The following KCNH1 variants were observed in gnomAD, a reference collection of about 807,000 sequenced individuals.
KCNH1 encodes voltage-gated delayed rectifier potassium channel KCNH1.
In KCNH1, 27 loss-of-function variants were observed where a neutral mutation model predicts 69.2. The observed-to-expected ratio is 0.39, with a 90% CI of 0.29 to 0.54. The LOEUF is 0.54. Ranked by LOEUF, KCNH1 falls within the 20% of genes least tolerant of loss-of-function variation. KCNH1 has a pLI of 0.68. For synonymous variants in KCNH1, 456 were observed against 487.7 expected (o/e 0.93, Z 0.86); for missense variants, 798 against 1,261.6 (o/e 0.63, Z 5.57).
chr1:211,117,447 T>C (rs1220274200), intron 1 of KCNH1, among the ~76,000 whole-genome samples: 1 of 152,112 alleles, frequency 6.6e-6, no homozygotes, highest in African/African-American at 2.4e-5. Context: ...GCTCCTGTGT[T>C]CTTGGGAGCC....
chr1:210,811,664 C>T (rs1239130004), intron 7 of KCNH1, among the ~76,000 whole-genome samples: 1 of 152,056 alleles, frequency 6.6e-6, no homozygotes, highest in East Asian at 1.9e-4. Context: ...GCAAAGGCTT[C>T]AGGAATTACT....
intron 6 of KCNH1, among the ~76,000 whole-genome samples, chr1:210,968,266 A>G (rs9662807): frequency 4.9e-5 from 6 of 123,702 alleles, no homozygotes; most frequent in Admixed American, 8.6e-5. Context: ...CCAGTCTATC[A>G]TTGTTGGACA....
chr1:210,910,647 A>T (rs1009360014), intron 7 of KCNH1, among the ~76,000 whole-genome samples: 3 of 152,202 alleles, frequency 2.0e-5, no homozygotes, highest in African/African-American at 7.2e-5. Context: ...TTCACCATTC[A>T]CAAGAAGGTT....
chr1:210,811,475 G>T (rs1283787824), intron 7 of KCNH1, among the ~76,000 whole-genome samples: 1 of 152,108 alleles, frequency 6.6e-6, no homozygotes, highest in African/African-American at 2.4e-5. Context: ...GTCATTCATT[G>T]CTTTCCAGCT....
chr1:210,838,780 G>A (rs1685341454), intron 7 of KCNH1, among the ~76,000 whole-genome samples: 1 of 152,170 alleles, frequency 6.6e-6, no homozygotes, highest in African/African-American at 2.4e-5. Context: ...CTCAAAAGAA[G>A]ACATTCATGT....
chr1:211,075,672 A>C (rs1690719272), intron 5 of KCNH1, among the ~76,000 whole-genome samples: 1 of 152,238 alleles, frequency 6.6e-6, no homozygotes, highest in Non-Finnish European at 1.5e-5. Flanking sequence ...TCAATGCAGA[A>C]GATGGGTGAT....
At chr1:211,014,642 CAT>C (rs1486509923) in intron 6 of KCNH1, among the ~76,000 whole-genome samples, 1 of 152,160 alleles carries the variant, frequency 6.6e-6, no homozygotes, top group Admixed American at 6.5e-5. Flanking sequence ...CCACTGCACA[CAT>C]ACACACAGAT....
chr1:211,108,691 A>C (rs1455442670), intron 1 of KCNH1: 2 of 152,268 alleles, frequency 1.3e-5, no homozygotes, highest in Non-Finnish European at 2.9e-5. Flanking sequence ...AGGAGGAATT[A>C]CTAAATACAG....
chr1:210,825,588 G>C (rs79101519), intron 7 of KCNH1, among the ~76,000 whole-genome samples: 4,607 of 152,176 alleles, frequency 0.03, 243 homozygotes, highest in African/African-American at 0.1. Context: ...CTCATGAAGT[G>C]TCTGAAAAGG....
intron 1 of KCNH1, among the ~76,000 whole-genome samples, chr1:211,117,337 C>T (rs1462195932): frequency 6.6e-6 from 1 of 152,140 alleles, no homozygotes; most frequent in Non-Finnish European, 1.5e-5. Context: ...CTCTCTCCCC[C>T]TTGCATCTGG....
Position 210,884,855 on chromosome 1 carries a change from C to T in KCNH1, c.1462+34785G>A, listed in dbSNP as rs150209459. On this transcript the variant is annotated intron_variant, in intron 7 of 10. Transcript: ENST00000271751. Reference sequence around the variant, plus strand: ...ATATTCAGAAGACTGTCTTCCATCCCTTCTGGAGGAGACACCAGGCAGAGA... The same window carrying T: ...ATATTCAGAAGACTGTCTTCCATCCTTTCTGGAGGAGACACCAGGCAGAGA... Among the ~76,000 whole-genome samples the T allele has an allele frequency of 9.2e-5, 14 of 152,368 alleles. No homozygotes were observed. In the South Asian group the frequency reaches 2.1e-3, roughly 23 times the overall value.
intron 7 of KCNH1, among the ~76,000 whole-genome samples, chr1:210,845,575 A>C (rs1403387334): frequency 2.6e-5 from 4 of 152,218 alleles, no homozygotes; most frequent in Admixed American, 2.6e-4. Flanking sequence ...GATGGGACGT[A>C]TCTCAAAATA....
Position 211,065,504 on chromosome 1 carries a change from T to C in KCNH1, c.558+17276A>G, listed in dbSNP as rs368013196. 3.9e-5 allele frequency among the ~76,000 whole-genome samples: 6 copies of C among 152,198 alleles called. No homozygotes were observed. The East Asian group carries it at 7.7e-4, about 20-fold the overall frequency. ...GAAAGAGGGAAGGTTGGGGATGATG[T>C]TGGTCAAAGGATACAAAATTTCATT... On this transcript the variant is annotated intron_variant, in intron 5 of 10. Transcript: ENST00000271751.
intron 6 of KCNH1, among the ~76,000 whole-genome samples, chr1:210,997,724 G>A (rs1026105340): frequency 6.6e-6 from 1 of 152,142 alleles, no homozygotes; most frequent in Admixed American, 6.5e-5. Flanking sequence ...ATTCACCAAC[G>A]TTGAAATGAA....
intron 5 of KCNH1, among the ~76,000 whole-genome samples, chr1:211,079,434 A>G (rs1402556141): frequency 6.6e-6 from 1 of 152,260 alleles, no homozygotes; most frequent in African/African-American, 2.4e-5. Context: ...TCCAATCAAT[A>G]GAAAAAGAGG....
rs574750640 is a variant in KCNH1, at chr1:210,868,004, A to G, written c.1462+51636T>C. Among the ~76,000 whole-genome samples the G allele has an allele frequency of 1.1e-3, 164 of 152,138 alleles. 1 individual carries two copies. The highest frequency in any genetic ancestry group is 0.01 in the Middle Eastern group (3 of 294). ...AGTTTTTGTGTGAACATATGTTTTC[A>G]CTGCTCTTTGGTAAATGAACAGAAG... On this transcript the variant is annotated intron_variant, in intron 7 of 10. Coordinates refer to ENST00000271751, the MANE Select transcript of KCNH1 (RefSeq NM_172362.3).
intron 6 of KCNH1, among the ~76,000 whole-genome samples, chr1:210,928,641 A>G (rs144685480): frequency 6.2e-4 from 95 of 152,134 alleles, no homozygotes; most frequent in Admixed American, 2.0e-3. Flanking sequence ...GACACCTTAC[A>G]GAACTGCATA....
chr1:210,973,866 A>G (rs541422395), intron 6 of KCNH1, among the ~76,000 whole-genome samples: 169 of 152,316 alleles, frequency 1.1e-3, no homozygotes, highest in African/African-American at 3.9e-3. Context: ...CAAATATTCC[A>G]GGCACATGGG....
At chr1:210,690,287 T>C (rs772807738) in intron 10 of KCNH1, among the ~76,000 whole-genome samples, 7 of 152,176 alleles carry the variant, frequency 4.6e-5, no homozygotes, top group Admixed American at 3.3e-4. Context: ...GAGCAACCAC[T>C]GTCTGAGAGC....
Sources: gnomAD v4.1 joint callset for allele counts (sites outside exome capture counted in the v4.1 genomes callset) on GRCh38, gnomAD v4.1.1 for gene constraint, MANE v1.5 for transcripts, NCBI Gene and HGNC (gene_info 2026-07-23, HGNC 2026-07-21) for gene names.